NFXL1: variants seen among roughly 807,000 people sequenced by gnomAD.
NFXL1 encodes NF-X1-type zinc finger protein NFXL1.
Under a neutral mutation model 123.3 loss-of-function variants are expected in NFXL1, and 66 were observed. That is an observed-to-expected ratio of 0.54 (90% CI 0.44 to 0.66). The LOEUF (loss-of-function observed/expected upper bound fraction) is 0.66, where lower values mean the gene tolerates loss of function less well. Ranked by LOEUF, NFXL1 falls within the 30% of genes least tolerant of loss-of-function variation. The pLI, the probability that NFXL1 is intolerant of heterozygous loss-of-function variation, is 0.00. For synonymous variants in NFXL1, 346 were observed against 360.8 expected, an observed-to-expected ratio of 0.96 and a Z score of 0.46; for missense variants, 944 against 1,125.6, an observed-to-expected ratio of 0.84 and a Z score of 2.31.
At chr4:47,897,228 CT>C (rs1420998016) in intron 9 of NFXL1, among the ~76,000 whole-genome samples, 2 of 152,174 alleles carry the variant, frequency 1.3e-5, no homozygotes, top group Admixed American at 1.3e-4. Context: ...AGGAGGATCA[CT>C]TGAGCCCAGG....
At position 47,914,483 on chromosome 4, in the gene NFXL1, G is replaced by A. The variant is rs1738015082; in HGVS notation, c.-121C>T. On this transcript the variant is annotated 5_prime_UTR_variant, in exon 1 of 23. Transcript: ENST00000507489. ...ACACAGTGCCGAAGACAGAAAGCCGGAGGAGAAGTCGAAACCGCCTCCTCA... is the reference window on the plus strand; with the variant it reads ...ACACAGTGCCGAAGACAGAAAGCCGAAGGAGAAGTCGAAACCGCCTCCTCA... The A allele has an allele frequency of 8.1e-6, 3 of 371,874 alleles. No individual in the cohort carries two copies. The highest frequency in any genetic ancestry group is 4.3e-5 in the Admixed American group (1 of 23,036). 23.0% of individuals were successfully genotyped at this position (371,874 alleles called of 1,614,324 possible). A position where few individuals can be genotyped will look rare whatever the true frequency, so the allele number is the denominator to read the frequency against.
intron 4 of NFXL1, among the ~76,000 whole-genome samples, chr4:47,904,964 A>G (rs1737499261): frequency 6.6e-6 from 1 of 152,234 alleles, no homozygotes; most frequent in South Asian, 2.1e-4. Context: ...TCTCTAAAGT[A>G]CAGATGCTAA....
chr4:47,871,917 G>C (rs777275975), intron 18 of NFXL1, among the ~76,000 whole-genome samples: 25 of 152,056 alleles, frequency 1.6e-4, no homozygotes, highest in Non-Finnish European at 3.2e-4. Context: ...TGAAACTTGA[G>C]GAAAATATAT....
chr4:47,885,288 T>C (rs1736359159), intron 14 of NFXL1, among the ~76,000 whole-genome samples: 1 of 152,134 alleles, frequency 6.6e-6, no homozygotes. Context: ...ATAATGTAAC[T>C]ATCACACTGT....
rs537733127 is a variant in NFXL1, at chr4:47,880,783, T to C, written c.1917-1666A>G. On this transcript the variant is annotated intron_variant, in intron 15 of 22. Coordinates refer to ENST00000507489, the MANE Select transcript of NFXL1 (RefSeq NM_001278624.2). Reference sequence around the variant, plus strand: ...GGGGTGCCACAAACTGTGCCCATAGTAAACAGTAAACCTAATTAATGAGTA... The same window carrying C: ...GGGGTGCCACAAACTGTGCCCATAGCAAACAGTAAACCTAATTAATGAGTA... 7.9e-5 allele frequency among the ~76,000 whole-genome samples: 7 copies of C among 88,868 alleles called. 1 individual carries two copies. Among genetic ancestry groups the C allele is most frequent in the African/African-American group, 3.0e-4 (7 of 23,020 alleles). 58.3% of individuals were successfully genotyped at this position (88,868 alleles called of 152,430 possible).
chr4:47,848,411 C>A, intron 22 of NFXL1, 75 bp from the exon 23 acceptor site: 2 of 1,162,768 alleles, frequency 1.7e-6, no homozygotes, highest in South Asian at 1.5e-5. Flanking sequence ...ACATAAAAAT[C>A]AATTTGGGTA....
chr4:47,913,287 A>T (rs956830659), intron 2 of NFXL1, among the ~76,000 whole-genome samples: 2 of 152,182 alleles, frequency 1.3e-5, no homozygotes, highest in Non-Finnish European at 2.9e-5. Flanking sequence ...GGCTCCACGA[A>T]AACATGGTCT....
chr4:47,868,424 A>C (rs1735234510), intron 18 of NFXL1, among the ~76,000 whole-genome samples: 1 of 139,920 alleles, frequency 7.1e-6, no homozygotes, highest in East Asian at 2.0e-4. Flanking sequence ...GCAACTAAAC[A>C]ATGAGAAGAG....
intron 19 of NFXL1, among the ~76,000 whole-genome samples, chr4:47,856,220 C>T (rs1469605580): frequency 6.6e-6 from 1 of 152,056 alleles, no homozygotes; most frequent in Admixed American, 6.6e-5. Context: ...CTCTGTGTTT[C>T]ACATGTAAAA....
chr4:47,870,939 A>G (rs1043835542), intron 18 of NFXL1, among the ~76,000 whole-genome samples: 1 of 152,254 alleles, frequency 6.6e-6, no homozygotes, highest in African/African-American at 2.4e-5. Flanking sequence ...TTAAACATCA[A>G]AATGATGGCG....
intron 1 of NFXL1, 28 bp downstream of exon 1, chr4:47,914,336 GT>G: frequency 1.4e-6 from 1 of 696,978 alleles, no homozygotes; most frequent in African/African-American, 1.8e-5. Flanking sequence ...CGGCGACCGG[GT>G]TTTAGGAGGT....
intron 3 of NFXL1, among the ~76,000 whole-genome samples, chr4:47,905,950 G>C (rs1013682980): frequency 6.6e-6 from 1 of 152,078 alleles, no homozygotes; most frequent in Non-Finnish European, 1.5e-5. Context: ...AGTAATTATT[G>C]AGTGCTTATT....
In NFXL1 at chr4:47,856,342, G is replaced by C. The variant is rs192926236; in HGVS notation, c.2317-1179C>G. Among the ~76,000 whole-genome samples the C allele has an allele frequency of 2.8e-4, 43 of 152,200 alleles. 1 individual carries two copies. Among genetic ancestry groups the C allele is most frequent in the Admixed American group, 2.6e-3 (40 of 15,278 alleles). On this transcript the variant is annotated intron_variant, in intron 19 of 22. Transcript: ENST00000507489. ...TGTTATTATTATAAGTTCCTTGAGG[G>C]CAATGGTCAGACAGTCATCAACTTA...
intron 18 of NFXL1, among the ~76,000 whole-genome samples, chr4:47,873,470 C>T (rs11723266): frequency 0.16 from 23,730 of 152,146 alleles, 2,514 homozygotes; most frequent in Admixed American, 0.24. Flanking sequence ...TTAGCAGGCA[C>T]GAACACAACA....
intron 19 of NFXL1, among the ~76,000 whole-genome samples, chr4:47,855,591 G>A (rs1346668985): frequency 6.6e-6 from 1 of 151,874 alleles, no homozygotes; most frequent in Admixed American, 6.6e-5. Context: ...ATGCCAAAGA[G>A]AGCAGAGCTG....
intron 13 of NFXL1, 78 bp from the exon 14 acceptor site, chr4:47,885,735 C>G: frequency 7.2e-7 from 1 of 1,391,092 alleles, no homozygotes; most frequent in South Asian, 1.3e-5. Context: ...TATCTATTTA[C>G]ATATCTTCTG....
At chr4:47,880,855 C>G (rs1335641060) in intron 15 of NFXL1, among the ~76,000 whole-genome samples, 1 of 113,838 alleles carries the variant, frequency 8.8e-6, no homozygotes, top group Non-Finnish European at 1.9e-5. Context: ...GGAAATTAAA[C>G]ACTGCATGTT....
intron 19 of NFXL1, among the ~76,000 whole-genome samples, chr4:47,859,318 T>C (rs550017852): frequency 1.8e-4 from 27 of 152,344 alleles, no homozygotes; most frequent in African/African-American, 5.5e-4. Flanking sequence ...CAATATTATT[T>C]GTAGATAATC....
rs757199374 is a variant in NFXL1 at position 47,897,939 on chromosome 4, T to C, written c.1204+28A>G. ...TCATGGCTTGACAGATCATTTCCTA[T>C]ATAAATATAAAAAAAAACAAGTCTT... On this transcript the variant is annotated intron_variant, in intron 9 of 22. Transcript: ENST00000507489. The C allele has an allele frequency of 8.0e-6, 11 of 1,374,512 alleles. No individual in the cohort carries two copies. In the East Asian group the frequency reaches 2.1e-4, roughly 26 times the overall value. 85.1% of individuals were successfully genotyped at this position (1,374,512 alleles called of 1,614,324 possible).
Sources: gnomAD v4.1 joint callset for allele counts (sites outside exome capture counted in the v4.1 genomes callset) on GRCh38, gnomAD v4.1.1 for gene constraint, MANE v1.5 for transcripts, NCBI Gene and HGNC (gene_info 2026-07-23, HGNC 2026-07-21) for gene names.